Variants in UBE4B observed in about 807,000 individuals in gnomAD.
The protein encoded by UBE4B is ubiquitination factor E4B.
UBE4B carries 27 observed loss-of-function variants against 148.1 expected under a neutral mutation model. That is an observed-to-expected ratio of 0.18 (90% CI 0.13 to 0.25). UBE4B has a LOEUF of 0.25. Among genes scored for constraint, UBE4B ranks in the 10% least tolerant of loss-of-function variants. The pLI, the probability that UBE4B is intolerant of heterozygous loss-of-function variation, is 1.00. For synonymous variants in UBE4B, 596 were observed against 619.3 expected (o/e 0.96, Z 0.56); for missense variants, 1,170 against 1,662.4 (o/e 0.70, Z 5.15).
intron 25 of UBE4B, among the ~76,000 whole-genome samples, chr1:10,174,131 G>C (rs1176754666): frequency 6.6e-6 from 1 of 151,998 alleles, no homozygotes; most frequent in Admixed American, 6.6e-5. Context: ...CGCAGTGGCT[G>C]ACACCTGTAA....
rs758423694 is a variant in UBE4B at position 10,106,373 on chromosome 1, G to C, written c.986G>C (p.Arg329Pro). ...GCGGGAAGCCAGCCTTCATCCCCGCGGTATCGCCCCTACACTGTCACTCAC... is the reference window on the plus strand; with the variant it reads ...GCGGGAAGCCAGCCTTCATCCCCGCCGTATCGCCCCTACACTGTCACTCAC... ...TAAGSQPSSPRYRPYTVTHPW... is the reference protein window; with the variant it reads ...TAAGSQPSSPPYRPYTVTHPW... Residue 329 changes from arginine (R) to proline (P), a missense_variant, in exon 7 of 28, where the codon CGG (arginine) becomes CCG (proline). By Grantham distance (103) the Arg-to-Pro change is moderately radical. This residue lies in a region of UBE4B where 214 missense variants were observed against 209.1 expected (regional missense o/e 1.02). Coordinates refer to ENST00000343090, the MANE Select transcript of UBE4B (RefSeq NM_001105562.3). The surrounding 1 kb of genome is among the most constrained non-coding windows in gnomAD (Gnocchi z 4.2). The C allele has an allele frequency of 8.7e-6, 14 of 1,613,678 alleles. No homozygotes were observed. The highest frequency in any genetic ancestry group is 1.2e-5 in the Non-Finnish European group (14 of 1,179,716).
intron 21 of UBE4B, among the ~76,000 whole-genome samples, chr1:10,153,676 G>A (rs12746438): frequency 0.077 from 11,655 of 151,942 alleles, 617 homozygotes; most frequent in Non-Finnish European, 0.11. Context: ...AAGGCCGGGC[G>A]TGGTGGCTCA....
At chr1:10,041,409 A>T (rs1220213512) in intron 1 of UBE4B, among the ~76,000 whole-genome samples, 1 of 144,372 alleles carries the variant, frequency 6.9e-6, no homozygotes, top group South Asian at 2.1e-4. Flanking sequence ...ATCTCGGCTC[A>T]CTGCAACCTC....
rs528352443 is a variant in UBE4B, at chr1:10,130,636, G to A, written c.1812+20G>A. 37 of 1,612,082 alleles carry A rather than the reference G, an allele frequency of 2.3e-5. No individual in the cohort carries two copies. The East Asian group carries it at 4.7e-4, about 20-fold the overall frequency. The stretch of plus-strand genomic sequence containing the variant: ...GATGATGTAAGTATAGTGGCTACTT[G>A]TACTTTGCTGCCCTTTTATTCAGAT... On this transcript the variant is annotated intron_variant, in intron 13 of 27. Coordinates refer to ENST00000343090, the MANE Select transcript of UBE4B (RefSeq NM_001105562.3).
chr1:10,151,347 T>C lies in UBE4B; in HGVS notation c.2712T>C (p.Tyr904=). ...TCAGATACTCTCCCCAGGCGCTTTA[T>C]GAGCCCTGTACTCAGGATATTGTGA... The part of the protein sequence containing the change: ...FIVQYSPQAL[Y]EPCTQDIVMF... Residue 904 remains tyrosine, a synonymous_variant, in exon 21 of 28, where the codon TAT becomes TAC. Coordinates refer to ENST00000343090, the MANE Select transcript of UBE4B (RefSeq NM_001105562.3). 1 of 1,614,128 alleles carries C rather than the reference T, an allele frequency of 6.2e-7. No homozygotes were observed. Among genetic ancestry groups the C allele is most frequent in the Non-Finnish European group, 8.5e-7 (1 of 1,180,012 alleles).
chr1:10,152,047 A>G (rs1645983517), intron 21 of UBE4B, among the ~76,000 whole-genome samples: 3 of 150,980 alleles, frequency 2.0e-5, no homozygotes, highest in Admixed American at 6.6e-5. Flanking sequence ...TCACAAGGTC[A>G]GGAGTTCAAG....
In UBE4B at chr1:10,129,855, G is replaced by A. The variant is rs112308237; in HGVS notation, c.1695+407G>A. Among the ~76,000 whole-genome samples, 1,320 of 152,136 alleles carry A rather than the reference G, an allele frequency of 8.7e-3. 28 individuals carry two copies. Among genetic ancestry groups the A allele is most frequent in the Middle Eastern group, 0.037 (11 of 294 alleles). ...TTTAGTAGAGATGGAGTTTTACCAT[G>A]TTGGCCAGGCTGGTCTCGAACTACT... On this transcript the variant is annotated intron_variant, in intron 12 of 27. Transcript: ENST00000343090.
intron 12 of UBE4B, 31 bp from the exon 13 acceptor site, chr1:10,130,469 G>A (rs747692525): frequency 5.0e-6 from 8 of 1,590,148 alleles, no homozygotes; most frequent in East Asian, 2.2e-5. Flanking sequence ...CCTGTTCAGC[G>A]GCTTGACTGG....
At chr1:10,173,676 A>G (rs1234456952) in intron 25 of UBE4B, among the ~76,000 whole-genome samples, 1 of 152,162 alleles carries the variant, frequency 6.6e-6, no homozygotes, top group South Asian at 2.1e-4. Context: ...CAGCCCAGCC[A>G]GAGGTCGGTG....
intron 7 of UBE4B, among the ~76,000 whole-genome samples, chr1:10,110,836 A>G (rs1400316413): frequency 6.6e-6 from 1 of 152,008 alleles, no homozygotes; most frequent in East Asian, 1.9e-4. Context: ...AAACAGTGGA[A>G]AAGAAATCAT....
At chr1:10,175,568 G>A (rs112443182) in intron 25 of UBE4B, among the ~76,000 whole-genome samples, 30 of 151,992 alleles carry the variant, frequency 2.0e-4, no homozygotes, top group East Asian at 1.9e-3. Context: ...GGAGAATGGC[G>A]TGAACCTGGG....
intron 3 of UBE4B, 49 bp from the exon 4 acceptor site, chr1:10,101,059 G>A: frequency 6.5e-7 from 1 of 1,542,636 alleles, no homozygotes; most frequent in Non-Finnish European, 9.0e-7. Flanking sequence ...CAGTGACATT[G>A]TGCGGATTTA....
At chr1:10,127,468 T>C (rs1645520682) in intron 11 of UBE4B, among the ~76,000 whole-genome samples, 1 of 152,220 alleles carries the variant, frequency 6.6e-6, no homozygotes, top group African/African-American at 2.4e-5. Context: ...GTGAAAATGC[T>C]GAAACTAGAA....
At chr1:10,040,621 CT>C (rs1185644090) in intron 1 of UBE4B, among the ~76,000 whole-genome samples, 4,620 of 140,876 alleles carry the variant, frequency 0.033, 71 homozygotes, top group African/African-American at 0.051. Flanking sequence ...CTTCTTTTTT[CT>C]TTTTTTTTTT....
At chr1:10,179,820 C>T (rs1363149074) in intron 27 of UBE4B, 75 bp from the exon 28 acceptor site, 2 of 1,570,756 alleles carry the variant, frequency 1.3e-6, no homozygotes, top group Non-Finnish European at 8.7e-7. Context: ...CCCATTTATA[C>T]AGAGCGACAA....
intron 21 of UBE4B, among the ~76,000 whole-genome samples, 172 bp from the exon 22 acceptor site, chr1:10,158,184 T>G (rs1646104212): frequency 6.6e-6 from 1 of 152,202 alleles, no homozygotes; most frequent in Non-Finnish European, 1.5e-5. Flanking sequence ...ACTTTTGTCT[T>G]TAAAAGCAGC....
chr1:10,094,490 A>G (rs948217978), intron 2 of UBE4B, among the ~76,000 whole-genome samples: 22 of 150,078 alleles, frequency 1.5e-4, no homozygotes, highest in South Asian at 6.3e-4. Flanking sequence ...CTGGAGTGCA[A>G]TGGCGCAATC....
chr1:10,175,416 C>T (rs1216901621), intron 25 of UBE4B, among the ~76,000 whole-genome samples: 2 of 151,980 alleles, frequency 1.3e-5, no homozygotes, highest in African/African-American at 2.4e-5. Context: ...CTTTGGGAGG[C>T]CAAGGCGGGC....
chr1:10,063,158 C>G (rs576476183), intron 1 of UBE4B, among the ~76,000 whole-genome samples: 1 of 152,236 alleles, frequency 6.6e-6, no homozygotes, highest in East Asian at 1.9e-4. Flanking sequence ...GTCCCAGCCA[C>G]TGGGGAGGCT....
Sources: gnomAD v4.1 joint callset for allele counts (sites outside exome capture counted in the v4.1 genomes callset) on GRCh38, gnomAD v4.1.1 for gene constraint, gnomAD v4.1.1 regional missense constraint, Gnocchi (gnomAD v3.1) non-coding constraint, MANE v1.5 for transcripts, NCBI Gene and HGNC (gene_info 2026-07-23, HGNC 2026-07-21) for gene names.